Variants in IDO1 observed in about 807,000 individuals in gnomAD.
IDO1 encodes indoleamine 2,3-dioxygenase 1, also known as indolamine 2,3 dioxygenase.
Under a neutral mutation model 38.8 loss-of-function variants are expected in IDO1, and 35 were observed. The ratio of observed to expected loss-of-function variants is 0.90; its 90% CI spans 0.69 to 1.20. The LOEUF (loss-of-function observed/expected upper bound fraction) is 1.20. IDO1 is among the 50% of genes most tolerant of loss of function. The pLI is 0.00. For missense variants in IDO1, 509 were observed against 485.1 expected, an observed-to-expected ratio of 1.05 and a Z score of -0.46; for synonymous variants, 171 against 170.0, an observed-to-expected ratio of 1.01 and a Z score of -0.05.
rs1242460275 is a variant in IDO1, at chr8:39,928,607, C to T, written c.*422C>T. On this transcript the variant is annotated 3_prime_UTR_variant, in exon 10 of 10. Coordinates refer to ENST00000518237, the MANE Select transcript of IDO1 (RefSeq NM_002164.6). ...AATTAGCCGGGCGCGGTGGCGGGCA[C>T]CTGTAGTCCCAGCTACTCGGGAGGC... Among the ~76,000 whole-genome samples, 1 of 151,912 alleles carries T rather than the reference C, an allele frequency of 6.6e-6. No individual in the cohort carries two copies. The highest frequency in any genetic ancestry group is 1.9e-4 in the East Asian group (1 of 5,176).
intron 8 of IDO1, among the ~76,000 whole-genome samples, 182 bp from the exon 9 acceptor site, chr8:39,925,041 A>G (rs1478239328): frequency 6.6e-6 from 1 of 152,224 alleles, no homozygotes; most frequent in Non-Finnish European, 1.5e-5. Flanking sequence ...AAATCTGCTC[A>G]GGATTATATT....
At chr8:39,925,130 C>G in intron 8 of IDO1, 93 bp from the exon 9 acceptor site, 1 of 1,191,038 alleles carries the variant, frequency 8.4e-7, no homozygotes, top group Non-Finnish European at 1.2e-6. Flanking sequence ...CTCTTGTCAC[C>G]TTCTGTTCAG....
chr8:39,927,738 A>G (rs1807388201), intron 9 of IDO1, 92 bp from the exon 10 acceptor site: 1 of 684,506 alleles, frequency 1.5e-6, no homozygotes, highest in African/African-American at 1.8e-5. Flanking sequence ...TATATTGGTG[A>G]TCTCCTGCCC....
intron 4 of IDO1, 92 bp downstream of exon 4, chr8:39,919,025 A>G (rs779028776): frequency 2.1e-5 from 17 of 820,954 alleles, no homozygotes; most frequent in South Asian, 2.0e-4. Flanking sequence ...TGGGCAGCGC[A>G]GCTTTCCTCT....
rs752063551 is a variant in IDO1 at position 39,918,923 on chromosome 8, G to C, written c.412G>C (p.Asp138His). The C allele has an allele frequency of 1.3e-6, 2 of 1,565,052 alleles. No individual in the cohort carries two copies. The highest frequency in any genetic ancestry group is 3.3e-5 in the Admixed American group (2 of 59,950). Residue 138 changes from aspartate (D) to histidine (H), a missense_variant, in exon 4 of 10, where the codon GAT (aspartate) becomes CAT (histidine). Physicochemically the swap from Asp to His is moderately conservative, Grantham distance 81. Transcript: ENST00000518237. ...DCVLANWKKK[D>H]PNKPLTYENM... ...TGTCTTGGCAAACTGGAAGAAAAAG[G>C]ATCCTAATAAGTATGTAAACAGTGA...
chr8:39,925,359 A>ACTG lies in IDO1; in HGVS notation c.848_850dup (p.Ala283dup), dbSNP rs2129592436. The ACTG allele has an allele frequency of 6.2e-7, 1 of 1,612,596 alleles. No individual in the cohort carries two copies. Among genetic ancestry groups the ACTG allele is most frequent in the East Asian group, 2.2e-5 (1 of 44,860 alleles). ...TGACGTCCTGCTGGGCATCCAGCAG[A>ACTG]CTGCTGGTGGAGGTGAGTGGAAAAT... On this transcript the variant is annotated inframe_insertion, in exon 9 of 10. Transcript: ENST00000518237.
At chr8:39,925,040 C>G (rs919027689) in intron 8 of IDO1, among the ~76,000 whole-genome samples, 183 bp from the exon 9 acceptor site, 5 of 152,050 alleles carry the variant, frequency 3.3e-5, no homozygotes, top group Non-Finnish European at 7.4e-5. Flanking sequence ...CAAATCTGCT[C>G]AGGATTATAT....
intron 5 of IDO1, among the ~76,000 whole-genome samples, chr8:39,921,736 C>T (rs112880717): frequency 0.01 from 1,528 of 152,226 alleles, 24 homozygotes; most frequent in African/African-American, 0.034. Context: ...TTTGCACCAA[C>T]GCCCAAACTT....
chr8:39,923,701 G>C lies in IDO1; in HGVS notation c.655+115G>C. The C allele has an allele frequency of 5.0e-6, 3 of 597,992 alleles. No individual in the cohort carries two copies. The South Asian group carries it at 7.0e-5, about 14-fold the overall frequency. The allele number at this position is 597,992 out of a possible 1,614,324, so 37.0% of individuals were successfully genotyped here. A position where few individuals can be genotyped will look rare whatever the true frequency, so the allele number is the denominator to read the frequency against. ...TATCACTTAGTATGTTTTCACTTTA[G>C]GTATTTTATCTTACTAAACCATTCC... On this transcript the variant is annotated intron_variant, in intron 7 of 9. Coordinates refer to ENST00000518237, the MANE Select transcript of IDO1 (RefSeq NM_002164.6).
chr8:39,915,364 C>T (rs1379540537), intron 1 of IDO1, among the ~76,000 whole-genome samples: 1 of 152,120 alleles, frequency 6.6e-6, no homozygotes, highest in African/African-American at 2.4e-5. Flanking sequence ...TTGTTTGTAG[C>T]TCAAACAGTT....
intron 6 of IDO1, chr8:39,922,874 A>G: frequency 1.9e-6 from 1 of 531,122 alleles, no homozygotes; most frequent in Non-Finnish European, 3.3e-6. Context: ...CCTCTGTAGG[A>G]GATAAAAATT....
intron 5 of IDO1, among the ~76,000 whole-genome samples, chr8:39,921,062 G>C (rs1309926608): frequency 6.6e-6 from 1 of 152,196 alleles, no homozygotes; most frequent in African/African-American, 2.4e-5. Flanking sequence ...AAAGGTAAGA[G>C]TATTCATAGC....
intron 1 of IDO1, among the ~76,000 whole-genome samples, chr8:39,915,936 C>A (rs1256777441): frequency 6.6e-6 from 1 of 151,586 alleles, no homozygotes. Context: ...GAGACGGAGG[C>A]GGGTGGATCA....
chr8:39,922,269 G>A (rs996276001), intron 5 of IDO1, among the ~76,000 whole-genome samples: 1 of 152,052 alleles, frequency 6.6e-6, no homozygotes, highest in Non-Finnish European at 1.5e-5. Flanking sequence ...CTAAAGTGCC[G>A]GAATTACAGA....
intron 9 of IDO1, 42 bp from the exon 10 acceptor site, chr8:39,927,788 A>G: frequency 7.7e-7 from 1 of 1,298,076 alleles, no homozygotes; most frequent in Non-Finnish European, 1.0e-6. Context: ...GGATTGGGGA[A>G]TGCTGTGACC....
At position 39,924,810 on chromosome 8, in the gene IDO1, TAAC is replaced by T. The variant is rs140740011; in HGVS notation, c.707+41_707+43del. The T allele has an allele frequency of 4.8e-3, 7,016 of 1,467,270 alleles. 208 individuals are homozygous for T. In the East Asian group the frequency reaches 0.076, roughly 16 times the overall value. The allele number at this position is 1,467,270 out of a possible 1,614,324, so 90.9% of individuals were successfully genotyped here. On this transcript the variant is annotated intron_variant, in intron 8 of 9. Coordinates refer to ENST00000518237, the MANE Select transcript of IDO1 (RefSeq NM_002164.6). ...ATGTTTGAATTTGTTTGCTCTCACT[TAAC>T]AAAGAACACCACCAAATTCTCTTGG... is the stretch of plus-strand genomic sequence containing the variant.
chr8:39,923,558 A>C lies in IDO1; in HGVS notation c.627A>C (p.Lys209Asn), dbSNP rs1305558700. Reference sequence around the variant, plus strand: ...TGGAAATAGCTTCTTGCTTGGAGAAAGCCCTTCAAGTGTTTCACCAAATCC... The same window carrying C: ...TGGAAATAGCTTCTTGCTTGGAGAACGCCCTTCAAGTGTTTCACCAAATCC... Reference protein sequence around the residue: ...ALLEIASCLEKALQVFHQIHD... With the variant: ...ALLEIASCLENALQVFHQIHD... The change falls in exon 7 of 10, where the codon AAA becomes AAC. Residue 209 changes from lysine (K) to asparagine (N), a missense_variant. Transcript: ENST00000518237. The C allele has an allele frequency of 1.9e-6, 3 of 1,612,660 alleles. No individual in the cohort carries two copies. Among genetic ancestry groups the C allele is most frequent in the Non-Finnish European group, 2.5e-6 (3 of 1,178,738 alleles).
intron 1 of IDO1, among the ~76,000 whole-genome samples, chr8:39,916,218 G>C (rs1245960318): frequency 6.6e-6 from 1 of 150,474 alleles, no homozygotes; most frequent in East Asian, 2.0e-4. Context: ...GCTTACACCT[G>C]TAATCCCAGC....
intron 5 of IDO1, among the ~76,000 whole-genome samples, chr8:39,921,329 T>A (rs2129592286): frequency 6.6e-6 from 1 of 152,210 alleles, no homozygotes; most frequent in South Asian, 2.1e-4. Context: ...GGCACATGCC[T>A]GTAATCTCAG....
Sources: allele counts gnomAD v4.1 joint callset (sites outside exome capture counted in the v4.1 genomes callset), GRCh38; gene constraint gnomAD v4.1.1; transcripts MANE v1.5; gene names NCBI Gene and HGNC (gene_info 2026-07-23, HGNC 2026-07-21).